Variants in CARMIL1 observed in about 807,000 individuals in gnomAD.
CARMIL1 encodes the protein capping protein regulator and myosin 1 linker 1, also known as F-actin-uncapping protein LRRC16A.
A neutral mutation model predicts 177.1 loss-of-function variants in CARMIL1; 90 were observed. The ratio of observed to expected loss-of-function variants is 0.51; its 90% confidence interval spans 0.43 to 0.61. The LOEUF is 0.61. CARMIL1 is among the 20% of genes least tolerant of loss of function. The probability of loss-of-function intolerance (pLI) is 0.00; values close to 1 mark genes in which losing one functional copy is unlikely to be tolerated. For missense variants in CARMIL1, 1,380 were observed against 1,667.0 expected (o/e 0.83, Z 3.00); for synonymous variants, 577 against 606.2 (o/e 0.95, Z 0.71).
intron 2 of CARMIL1, among the ~76,000 whole-genome samples, chr6:25,311,315 G>A (rs147561133): frequency 1.2e-3 from 179 of 152,302 alleles, no homozygotes; most frequent in African/African-American, 4.0e-3. Flanking sequence ...AAAGGTAGGA[G>A]AATAGGAGAG....
At chr6:25,545,273 C>G (rs1403759444) in intron 26 of CARMIL1, among the ~76,000 whole-genome samples, 10 of 152,076 alleles carry the variant, frequency 6.6e-5, no homozygotes, top group East Asian at 1.9e-4. Flanking sequence ...AAATATCGTA[C>G]AAGGTTGAGT....
In CARMIL1 at chr6:25,471,151, G is replaced by T. The variant is rs368675761; in HGVS notation, c.691-18G>T. On this transcript the variant is annotated intron_variant, in intron 9 of 36. Transcript: ENST00000329474. ...TCTTTAGAGTTATGGAATAGTCAAA[G>T]AATGTTTTCTGTTACAGTCCACTGA... is the stretch of plus-strand genomic sequence containing the variant. 3.2e-6 allele frequency: 5 copies of T among 1,547,238 alleles called. No homozygotes were observed. The African/African-American group carries it at 5.5e-5, about 17-fold the overall frequency.
At chr6:25,385,635 G>T (rs1025288756) in intron 2 of CARMIL1, among the ~76,000 whole-genome samples, 1 of 152,068 alleles carries the variant, frequency 6.6e-6, no homozygotes, top group Non-Finnish European at 1.5e-5. Flanking sequence ...CACAGTGTTC[G>T]CTTTGATCAT....
At chr6:25,451,986 G>GCCCCCTCCCCCC (rs1798976750) in intron 8 of CARMIL1, 2 of 117,182 alleles carry the variant, frequency 1.7e-5, no homozygotes, top group South Asian at 7.1e-5. Context: ...CTAGCATCTT[G>GCCCCCTCCCCCC]CCCCCCCCTC....
At chr6:25,313,789 G>A (rs1014001130) in intron 2 of CARMIL1, among the ~76,000 whole-genome samples, 4 of 150,980 alleles carry the variant, frequency 2.6e-5, no homozygotes, top group African/African-American at 9.8e-5. Context: ...TCTGGAGGTT[G>A]GCCTATAACA....
rs1209270388 is a variant in CARMIL1 at position 25,620,161 on chromosome 6, A to G, written c.*578A>G. The G allele has an allele frequency of 6.6e-6, 1 of 152,648 alleles. No individual in the cohort carries two copies. Among genetic ancestry groups the G allele is most frequent in the Non-Finnish European group, 1.5e-5 (1 of 68,062 alleles). The allele number at this position is 152,648 out of a possible 1,614,324, so 9.5% of individuals were successfully genotyped here. A position where few individuals can be genotyped will look rare whatever the true frequency, so the allele number is the denominator to read the frequency against. The stretch of plus-strand genomic sequence containing the variant: ...TTGGGTATGGTTTTTACCTTCTCCC[A>G]TGGGGAACTTCTTCCTTCCTGATGT... On this transcript the variant is annotated 3_prime_UTR_variant, in exon 37 of 37. Coordinates refer to ENST00000329474, the MANE Select transcript of CARMIL1 (RefSeq NM_017640.6).
At chr6:25,613,408 G>A (rs1397317736) in intron 36 of CARMIL1, among the ~76,000 whole-genome samples, 2 of 152,156 alleles carry the variant, frequency 1.3e-5, no homozygotes, top group African/African-American at 4.8e-5. Context: ...CCTTTAGTAA[G>A]AAAGAAAAAG....
intron 26 of CARMIL1, among the ~76,000 whole-genome samples, chr6:25,546,401 C>T (rs1294731859): frequency 6.6e-6 from 1 of 151,924 alleles, no homozygotes; most frequent in Non-Finnish European, 1.5e-5. Flanking sequence ...AGAGGTAGAG[C>T]AATATGTAAA....
intron 31 of CARMIL1, among the ~76,000 whole-genome samples, chr6:25,588,272 A>G (rs1203916731): frequency 6.6e-6 from 1 of 152,190 alleles, no homozygotes; most frequent in Non-Finnish European, 1.5e-5. Flanking sequence ...ACTATATGAG[A>G]TAAACCTTTA....
intron 2 of CARMIL1, among the ~76,000 whole-genome samples, chr6:25,339,791 G>C (rs978017152): frequency 9.2e-5 from 14 of 152,150 alleles, no homozygotes; most frequent in African/African-American, 3.1e-4. Context: ...GTGACCTTGG[G>C]CAAGTTACTT....
intron 4 of CARMIL1, among the ~76,000 whole-genome samples, chr6:25,434,541 T>A (rs78772181): frequency 2.7e-5 from 4 of 149,942 alleles, no homozygotes; most frequent in African/African-American, 7.4e-5. Flanking sequence ...TTTTTTTTTT[T>A]TTAGACGGAG....
At chr6:25,284,211 C>T (rs1397477231) in intron 1 of CARMIL1, among the ~76,000 whole-genome samples, 1 of 152,164 alleles carries the variant, frequency 6.6e-6, no homozygotes, top group Non-Finnish European at 1.5e-5. Flanking sequence ...CATCATACTG[C>T]CCAACTTCAC....
chr6:25,388,799 T>G (rs1436566933), intron 2 of CARMIL1, among the ~76,000 whole-genome samples: 1 of 152,116 alleles, frequency 6.6e-6, no homozygotes, highest in Non-Finnish European at 1.5e-5. Context: ...CCTCTCAAAG[T>G]GTAGCAGCTG....
At chr6:25,414,659 CAGT>C (rs537416068) in intron 2 of CARMIL1, among the ~76,000 whole-genome samples, 2 of 152,162 alleles carry the variant, frequency 1.3e-5, no homozygotes, top group Non-Finnish European at 1.5e-5. Context: ...TGACTTGTAA[CAGT>C]AGTATTTGTA....
intron 4 of CARMIL1, 83 bp from the exon 5 acceptor site, chr6:25,435,400 C>A: frequency 1.4e-6 from 2 of 1,437,656 alleles, no homozygotes; most frequent in Non-Finnish European, 1.9e-6. Context: ...ATCTGTGTGA[C>A]TATGTAGTTT....
chr6:25,518,064 T>G (rs1806188406), intron 22 of CARMIL1, among the ~76,000 whole-genome samples: 1 of 152,208 alleles, frequency 6.6e-6, no homozygotes. Flanking sequence ...CAAAGCAGAT[T>G]TATAGCATTA....
chr6:25,318,708 A>C (rs79779754), intron 2 of CARMIL1, among the ~76,000 whole-genome samples: 18,757 of 152,170 alleles, frequency 0.12, 1,501 homozygotes, highest in Admixed American at 0.21. Flanking sequence ...GGGAGACCCC[A>C]CGTGGGAGCT....
Position 25,515,581 on chromosome 6 carries a change from G to A in CARMIL1, c.1633-94G>A, listed in dbSNP as rs1244967305. 3.4e-6 allele frequency: 4 copies of A among 1,166,098 alleles called. No homozygotes were observed. Among genetic ancestry groups the A allele is most frequent in the Admixed American group, 2.4e-5 (1 of 41,128 alleles). 72.2% of individuals were successfully genotyped at this position (1,166,098 alleles called of 1,614,324 possible). A position where few individuals can be genotyped will look rare whatever the true frequency, so the allele number is the denominator to read the frequency against. On this transcript the variant is annotated intron_variant, in intron 20 of 36. Coordinates refer to ENST00000329474, the MANE Select transcript of CARMIL1 (RefSeq NM_017640.6). The surrounding 1 kb of genome is among the most constrained non-coding windows in gnomAD (Gnocchi z 5.0). Reference sequence around the variant, plus strand: ...GTTCTAAAATCAGACACGTGCAGTAGGTCCATCCCCTCTCATTCTCCACGA... The same window carrying A: ...GTTCTAAAATCAGACACGTGCAGTAAGTCCATCCCCTCTCATTCTCCACGA...
At chr6:25,479,493 T>A (rs1347746684) in intron 11 of CARMIL1, among the ~76,000 whole-genome samples, 1 of 152,226 alleles carries the variant, frequency 6.6e-6, no homozygotes, top group Non-Finnish European at 1.5e-5. Context: ...TCAACGCCTG[T>A]AAGATCTTTA....
Sources: gnomAD v4.1 joint callset for allele counts (sites outside exome capture counted in the v4.1 genomes callset) on GRCh38, gnomAD v4.1.1 for gene constraint, Gnocchi (gnomAD v3.1) non-coding constraint, MANE v1.5 for transcripts, NCBI Gene and HGNC (gene_info 2026-07-23, HGNC 2026-07-21) for gene names.